PHACTR2: variants seen among roughly 807,000 people sequenced by gnomAD.
PHACTR2 encodes the protein chromosome 6 open reading frame 56.
Under a neutral mutation model 76.0 loss-of-function variants are expected in PHACTR2, and 30 were observed. The ratio of observed to expected loss-of-function variants is 0.39; its 90% CI spans 0.30 to 0.54. The LOEUF (loss-of-function observed/expected upper bound fraction) is 0.54, where lower values mean the gene tolerates loss of function less well. Among genes scored for constraint, PHACTR2 ranks in the 20% least tolerant of loss-of-function variants. The pLI, the probability that PHACTR2 is intolerant of heterozygous loss-of-function variation, is 0.61. For missense variants in PHACTR2, 696 were observed against 781.1 expected, an observed-to-expected ratio of 0.89 and a Z score of 1.30; for synonymous variants, 292 against 292.5, an observed-to-expected ratio of 1.00 and a Z score of 0.02.
intron 6 of PHACTR2, among the ~76,000 whole-genome samples, chr6:143,768,408 T>G (rs1775001536): frequency 6.6e-6 from 1 of 152,222 alleles, no homozygotes; most frequent in South Asian, 2.1e-4. Context: ...TATTGTCTGA[T>G]GTGCCCAGGA....
rs1358509045 is a variant in PHACTR2 at position 143,596,149 on chromosome 6, T to G, written c.217+58942T>G. Among the ~76,000 whole-genome samples the G allele has an allele frequency of 6.6e-6, 1 of 152,212 alleles. No individual in the cohort carries two copies. The highest frequency in any genetic ancestry group is 1.5e-5 in the Non-Finnish European group (1 of 68,050). On this transcript the variant is annotated intron_variant, in intron 1 of 11. Coordinates refer to the PHACTR2 transcript ENST00000367584. This position sits in a 1 kb window ranked among gnomAD's most constrained non-coding sequence, Gnocchi z 4.6. ...GAATTACAGATATTTTATAGCACTA[T>G]CCACATGTTAATTGAATCTTGATCC...
intron 10 of PHACTR2, among the ~76,000 whole-genome samples, chr6:143,788,237 G>T (rs1278941377): frequency 6.6e-6 from 1 of 152,174 alleles, no homozygotes; most frequent in Non-Finnish European, 1.5e-5. Context: ...TCTGATTGGG[G>T]TCTTGTCCTT....
At position 143,764,630 on chromosome 6, in the gene PHACTR2, G is replaced by A. The variant is rs962231432; in HGVS notation, c.695-631G>A. Among the ~76,000 whole-genome samples the A allele has an allele frequency of 7.2e-5, 11 of 152,052 alleles. No homozygotes were observed. Among genetic ancestry groups the A allele is most frequent in the African/African-American group, 2.4e-4 (10 of 41,410 alleles). The stretch of plus-strand genomic sequence containing the variant: ...GAGTGTACCTTTCCTGTGTGGCCAT[G>A]GGTTTTCCCTTTACCCCATCTCTAC... On this transcript the variant is annotated intron_variant, in intron 5 of 12. Coordinates refer to ENST00000440869, the MANE Select transcript of PHACTR2 (RefSeq NM_001100164.2). The surrounding 1 kb of genome is among the most constrained non-coding windows in gnomAD (Gnocchi z 4.7).
At chr6:143,734,120 C>G (rs1296594899) in intron 2 of PHACTR2, among the ~76,000 whole-genome samples, 1 of 152,010 alleles carries the variant, frequency 6.6e-6, no homozygotes, top group Non-Finnish European at 1.5e-5. Context: ...CATTATAGGT[C>G]TATTCTAGTG....
intron 2 of PHACTR2, among the ~76,000 whole-genome samples, chr6:143,720,557 G>A (rs1778415286): frequency 6.6e-6 from 1 of 152,166 alleles, no homozygotes; most frequent in South Asian, 2.1e-4. Flanking sequence ...TACAAATTTT[G>A]TCTGATAATG....
At position 143,743,179 on chromosome 6, in the gene PHACTR2, G is replaced by T. The variant is rs549030107; in HGVS notation, c.215-5806G>T. On this transcript the variant is annotated intron_variant, in intron 2 of 12. Coordinates refer to ENST00000440869, the MANE Select transcript of PHACTR2 (RefSeq NM_001100164.2). This position sits in a 1 kb window ranked among gnomAD's most constrained non-coding sequence, Gnocchi z 5.0. Reference sequence around the variant, plus strand: ...TTTTAGGGTAGATTTCACCCGAGAGGGATAGGGAAACAGTCTAAATTCTAG... The same window carrying T: ...TTTTAGGGTAGATTTCACCCGAGAGTGATAGGGAAACAGTCTAAATTCTAG... 2.0e-5 allele frequency among the ~76,000 whole-genome samples: 3 copies of T among 152,158 alleles called. No homozygotes were observed. The highest frequency in any genetic ancestry group is 2.9e-5 in the Non-Finnish European group (2 of 68,024).
intron 10 of PHACTR2, among the ~76,000 whole-genome samples, chr6:143,786,707 G>A (rs1481469409): frequency 6.6e-6 from 1 of 152,186 alleles, no homozygotes; most frequent in African/African-American, 2.4e-5. Context: ...GTGGCAGCAA[G>A]ATAAAATGAG....
Position 143,648,140 on chromosome 6 carries a change from A to G in PHACTR2, c.13+39818A>G, listed in dbSNP as rs751706107. 6.6e-6 allele frequency among the ~76,000 whole-genome samples: 1 copy of G among 152,190 alleles called. No individual in the cohort carries two copies. The highest frequency in any genetic ancestry group is 2.4e-5 in the African/African-American group (1 of 41,438). On this transcript the variant is annotated intron_variant, in intron 1 of 11. Coordinates refer to the PHACTR2 transcript ENST00000305766. This position sits in a 1 kb window ranked among gnomAD's most constrained non-coding sequence, Gnocchi z 6.7. ...ATTTATCATCTCGTTGGTGGCAGGA[A>G]CAAAACTCATAGCAGCATAGTGCAA...
At chr6:143,573,123 T>C (rs979857552) in intron 1 of PHACTR2, among the ~76,000 whole-genome samples, 1 of 152,234 alleles carries the variant, frequency 6.6e-6, no homozygotes, top group African/African-American at 2.4e-5. Context: ...TATATTACAT[T>C]CGTGATCTTC....
intron 1 of PHACTR2, among the ~76,000 whole-genome samples, chr6:143,577,764 C>T (rs916132197): frequency 2.3e-5 from 3 of 129,142 alleles, no homozygotes; most frequent in African/African-American, 5.7e-5. Context: ...GTAACCATAT[C>T]GTCGATGGAA....
intron 1 of PHACTR2, among the ~76,000 whole-genome samples, chr6:143,622,781 A>G (rs1474923711): frequency 2.0e-5 from 3 of 152,222 alleles, no homozygotes; most frequent in Admixed American, 6.5e-5. Context: ...TTAAAAATAT[A>G]TATTTTGTAG....
At chr6:143,635,340 G>C (rs1286954871) in intron 1 of PHACTR2, among the ~76,000 whole-genome samples, 3 of 152,044 alleles carry the variant, frequency 2.0e-5, no homozygotes, top group African/African-American at 7.2e-5. Flanking sequence ...GTGTGTGTGT[G>C]TGTGTGTGTG....
intron 1 of PHACTR2, among the ~76,000 whole-genome samples, chr6:143,631,535 A>G (rs574842695): frequency 2.7e-4 from 41 of 152,136 alleles, no homozygotes; most frequent in African/African-American, 8.4e-4. Flanking sequence ...CCATCTGCAG[A>G]GCTTGTGTGC....
At chr6:143,796,576 A>G (rs1030530573) in intron 11 of PHACTR2, among the ~76,000 whole-genome samples, 4 of 149,622 alleles carry the variant, frequency 2.7e-5, no homozygotes, top group African/African-American at 9.9e-5. Flanking sequence ...CCCACCCCCT[A>G]CAGGCCCCAG....
At position 143,753,533 on chromosome 6, in the gene PHACTR2, G is replaced by A. The variant is rs943829917; in HGVS notation, c.296-221G>A. ...GATAATTAGGATGATCATTCCTGTT[G>A]TCTTGAAATGGCGCATAGATATTCC... On this transcript the variant is annotated intron_variant, in intron 3 of 12. Transcript: ENST00000440869. This position sits in a 1 kb window ranked among gnomAD's most constrained non-coding sequence, Gnocchi z 4.6. Among the ~76,000 whole-genome samples the A allele has an allele frequency of 2.6e-5, 4 of 152,160 alleles. No individual in the cohort carries two copies. The highest frequency in any genetic ancestry group is 5.9e-5 in the Non-Finnish European group (4 of 68,018).
At position 143,767,258 on chromosome 6, in the gene PHACTR2, G is replaced by T. The variant is rs965970794; in HGVS notation, c.1232+1460G>T. 6.6e-6 allele frequency among the ~76,000 whole-genome samples: 1 copy of T among 152,192 alleles called. No homozygotes were observed. Among genetic ancestry groups the T allele is most frequent in the Non-Finnish European group, 1.5e-5 (1 of 68,032 alleles). On this transcript the variant is annotated intron_variant, in intron 6 of 12. Coordinates refer to ENST00000440869, the MANE Select transcript of PHACTR2 (RefSeq NM_001100164.2). This position sits in a 1 kb window ranked among gnomAD's most constrained non-coding sequence, Gnocchi z 4.4. The stretch of plus-strand genomic sequence containing the variant: ...TAGTTTGCACCAGACTGCCCAGTTG[G>T]TGGTGGTGAAGCCAGAATGCATACC...
Position 143,683,682 on chromosome 6 carries a change from C to T in PHACTR2, c.46+5473C>T, listed in dbSNP as rs560787055. The stretch of plus-strand genomic sequence containing the variant: ...CTTGTCCAGAATATTTATCCATTTC[C>T]TTGTAAACCAGGCACAGGAAGAGGT... On this transcript the variant is annotated intron_variant, in intron 1 of 12. Transcript: ENST00000440869. The surrounding 1 kb of genome is among the most constrained non-coding windows in gnomAD (Gnocchi z 4.1). 1.3e-5 allele frequency among the ~76,000 whole-genome samples: 2 copies of T among 152,296 alleles called. No individual in the cohort carries two copies. The highest frequency in any genetic ancestry group is 6.5e-5 in the Admixed American group (1 of 15,296).
In PHACTR2 at chr6:143,738,341, C is replaced by A. The variant is rs1172016342; in HGVS notation, c.215-10644C>A. ...CTCCAGCCTGGGCGACAGAGGGAGA[C>A]TCCATCTCAAAACAAAACAAAACAA... On this transcript the variant is annotated intron_variant, in intron 2 of 12. Coordinates refer to ENST00000440869, the MANE Select transcript of PHACTR2 (RefSeq NM_001100164.2). The surrounding 1 kb of genome is among the most constrained non-coding windows in gnomAD (Gnocchi z 4.0). Among the ~76,000 whole-genome samples, 1 of 151,962 alleles carries A rather than the reference C, an allele frequency of 6.6e-6. No individual in the cohort carries two copies.
rs1011328850 is a variant in PHACTR2 at position 143,710,963 on chromosome 6, A to T, written c.47-1053A>T. On this transcript the variant is annotated intron_variant, in intron 1 of 12. Transcript: ENST00000440869. This position sits in a 1 kb window ranked among gnomAD's most constrained non-coding sequence, Gnocchi z 4.9. ...CCAGTTATTATTTTTGACGGACATCAGTACACTTCACCTCTAAACACTTCA... is the reference window on the plus strand; with the variant it reads ...CCAGTTATTATTTTTGACGGACATCTGTACACTTCACCTCTAAACACTTCA... The T allele has an allele frequency of 2.0e-6, 1 of 492,818 alleles. No homozygotes were observed. Among genetic ancestry groups the T allele is most frequent in the South Asian group, 1.5e-5 (1 of 67,026 alleles). The allele number at this position is 492,818 out of a possible 1,614,324, so 30.5% of individuals were successfully genotyped here.
Sources: allele counts gnomAD v4.1 joint callset (sites outside exome capture counted in the v4.1 genomes callset), GRCh38; gene constraint gnomAD v4.1.1; non-coding constraint Gnocchi (gnomAD v3.1); transcripts MANE v1.5; gene names NCBI Gene and HGNC (gene_info 2026-07-23, HGNC 2026-07-21).